Variants in DNAH9 observed in about 807,000 individuals in gnomAD.
The protein encoded by DNAH9 is DNAH9 variant protein.
A neutral mutation model predicts 471.6 loss-of-function variants in DNAH9; 345 were observed. That is an observed-to-expected ratio of 0.73 (90% CI 0.67 to 0.80). DNAH9 has a LOEUF of 0.80. Ranked by LOEUF, DNAH9 falls within the 30% of genes least tolerant of loss-of-function variation. The pLI is 0.00. For missense variants in DNAH9, 5,407 were observed against 5,609.2 expected (o/e 0.96, Z 1.15); for synonymous variants, 2,093 against 2,123.6 (o/e 0.99, Z 0.40).
intron 61 of DNAH9, among the ~76,000 whole-genome samples, chr17:11,911,051 A>T (rs1973778780): frequency 6.6e-6 from 1 of 152,162 alleles, no homozygotes; most frequent in Admixed American, 6.6e-5. Context: ...TTAAAATACA[A>T]TTTATCTATG....
At chr17:11,671,736 G>A (rs1020189896) in intron 17 of DNAH9, among the ~76,000 whole-genome samples, 3 of 152,326 alleles carry the variant, frequency 2.0e-5, no homozygotes, top group East Asian at 3.9e-4. Context: ...CTAAGACCCC[G>A]ATGTGAAAGG....
intron 39 of DNAH9, among the ~76,000 whole-genome samples, chr17:11,782,405 C>A (rs1462796087): frequency 6.6e-6 from 1 of 152,170 alleles, no homozygotes; most frequent in Non-Finnish European, 1.5e-5. Context: ...GATGACCTTG[C>A]CTTCTCAGAG....
chr17:11,708,583 A>G (rs562543621), intron 26 of DNAH9, among the ~76,000 whole-genome samples: 1 of 152,258 alleles, frequency 6.6e-6, no homozygotes, highest in South Asian at 2.1e-4. Flanking sequence ...GGAGGAGCTC[A>G]TCCTGTCTGG....
At chr17:11,649,544 G>A (rs1330635992) in intron 12 of DNAH9, among the ~76,000 whole-genome samples, 1 of 152,052 alleles carries the variant, frequency 6.6e-6, no homozygotes, top group East Asian at 1.9e-4. Flanking sequence ...ATTTCTTTAG[G>A]ATAAAAGTCC....
intron 59 of DNAH9, among the ~76,000 whole-genome samples, chr17:11,899,184 A>T (rs531439766): frequency 7.6e-4 from 111 of 146,738 alleles, no homozygotes; most frequent in African/African-American, 2.4e-3. Context: ...ATGATTTTTT[A>T]AAAAAAAAAA....
intron 36 of DNAH9, among the ~76,000 whole-genome samples, chr17:11,767,338 T>C (rs1200974051): frequency 1.3e-5 from 2 of 152,194 alleles, no homozygotes; most frequent in African/African-American, 2.4e-5. Flanking sequence ...GAGAACAATA[T>C]TGGGAAGTTA....
intron 67 of DNAH9, among the ~76,000 whole-genome samples, chr17:11,947,770 C>CTTTT (rs1567569867): frequency 1.0e-5 from 1 of 98,584 alleles, no homozygotes; most frequent in African/African-American, 3.7e-5. Context: ...GGGCTGGGAA[C>CTTTT]TATTTTTTTT....
In DNAH9 at chr17:11,795,150, A is replaced by G. The variant is rs530862208; in HGVS notation, c.8223+1486A>G. 3.3e-5 allele frequency among the ~76,000 whole-genome samples: 5 copies of G among 152,238 alleles called. No individual in the cohort carries two copies. In the East Asian group the frequency reaches 9.7e-4, roughly 29 times the overall value. On this transcript the variant is annotated intron_variant, in intron 42 of 68. Coordinates refer to ENST00000262442, the MANE Select transcript of DNAH9 (RefSeq NM_001372.4). ...ACTCTAATTCACATATCATTCCCCA[A>G]ATGTATTGGACCCTAAAATTCTTTC...
intron 62 of DNAH9, among the ~76,000 whole-genome samples, chr17:11,929,658 C>T (rs1307547659): frequency 6.6e-6 from 1 of 152,182 alleles, no homozygotes; most frequent in East Asian, 1.9e-4. Context: ...CATTGAGTTG[C>T]ACAACATGTG....
At chr17:11,802,781 G>A (rs1969516200) in intron 43 of DNAH9, among the ~76,000 whole-genome samples, 1 of 152,068 alleles carries the variant, frequency 6.6e-6, no homozygotes, top group Non-Finnish European at 1.5e-5. Context: ...CCAGCTGTTT[G>A]TTCTCACCAC....
chr17:11,810,464 G>T, intron 45 of DNAH9, 95 bp downstream of exon 45: 2 of 1,483,614 alleles, frequency 1.3e-6, no homozygotes, highest in South Asian at 2.8e-5. Context: ...GGAAGAGTAA[G>T]GTCATAGTAA....
chr17:11,703,181 A>G (rs1243247857), intron 24 of DNAH9, among the ~76,000 whole-genome samples: 2 of 152,050 alleles, frequency 1.3e-5, no homozygotes, highest in Non-Finnish European at 2.9e-5. Context: ...AAGAGAGGAG[A>G]AAGGAGTCCA....
intron 4 of DNAH9, among the ~76,000 whole-genome samples, chr17:11,617,001 T>A (rs1403717890): frequency 6.6e-6 from 1 of 152,242 alleles, no homozygotes; most frequent in Non-Finnish European, 1.5e-5. Context: ...CAGCTCTGCC[T>A]ATTTTTGAGG....
At chr17:11,600,850 A>G (rs1450602598) in intron 1 of DNAH9, among the ~76,000 whole-genome samples, 1 of 152,166 alleles carries the variant, frequency 6.6e-6, no homozygotes, top group Non-Finnish European at 1.5e-5. Flanking sequence ...TCACCCAACA[A>G]TTTCCAAGTG....
chr17:11,796,559 A>C (rs557545716), intron 42 of DNAH9, among the ~76,000 whole-genome samples: 1 of 152,266 alleles, frequency 6.6e-6, no homozygotes, highest in South Asian at 2.1e-4. Context: ...ATAGGTTACA[A>C]GGCTTACCCT....
At chr17:11,653,435 G>C (rs575949734) in intron 14 of DNAH9, among the ~76,000 whole-genome samples, 1 of 152,308 alleles carries the variant, frequency 6.6e-6, no homozygotes, top group South Asian at 2.1e-4. Context: ...ATCCCTAACT[G>C]TGTGTGATAA....
chr17:11,929,255 C>T lies in DNAH9; in HGVS notation c.11878-611C>T, dbSNP rs547544462. Among the ~76,000 whole-genome samples, 35 of 151,982 alleles carry T rather than the reference C, an allele frequency of 2.3e-4. No homozygotes were observed. In the South Asian group the frequency reaches 6.8e-3, roughly 30 times the overall value. On this transcript the variant is annotated intron_variant, in intron 62 of 68. Coordinates refer to ENST00000262442, the MANE Select transcript of DNAH9 (RefSeq NM_001372.4). ...TTCACCGTGTTAGCCAGGATGGTCT[C>T]GATCTCCTGACCTCGTGATCCGCCT...
intron 10 of DNAH9, 69 bp from the exon 11 acceptor site, chr17:11,644,562 G>GTTTGA (rs771536401): frequency 2.5e-6 from 3 of 1,201,070 alleles, no homozygotes; most frequent in Non-Finnish European, 3.7e-6. Context: ...GGAGACTGCA[G>GTTTGA]TTTGTTCCTC....
At chr17:11,764,103 G>A (rs774137014) in intron 36 of DNAH9, among the ~76,000 whole-genome samples, 1 of 152,166 alleles carries the variant, frequency 6.6e-6, no homozygotes, top group Admixed American at 6.6e-5. Context: ...TCCAGAGAAG[G>A]CTGGACCAAA....
Sources: gnomAD v4.1 joint callset for allele counts (sites outside exome capture counted in the v4.1 genomes callset) on GRCh38, gnomAD v4.1.1 for gene constraint, MANE v1.5 for transcripts, NCBI Gene and HGNC (gene_info 2026-07-23, HGNC 2026-07-21) for gene names.